IFTAP: variants seen among roughly 807,000 people sequenced by gnomAD.
IFTAP encodes intraflagellar transport associated protein, also known as intraflagellar transport-associated protein.
Under a neutral mutation model 19.4 loss-of-function variants are expected in IFTAP, and 19 were observed. The observed-to-expected ratio is 0.98, with a 90% CI of 0.68 to 1.44. IFTAP has a LOEUF of 1.44. Ranked by LOEUF, IFTAP falls within the 40% of genes most tolerant of loss-of-function variation. The pLI is 0.00. For synonymous variants in IFTAP, 85 were observed against 83.5 expected (o/e 1.02, Z -0.10); for missense variants, 240 against 253.6 (o/e 0.95, Z 0.36).
chr11:36,626,389 A>G (rs1852512299), intron 2 of IFTAP, among the ~76,000 whole-genome samples: 1 of 151,470 alleles, frequency 6.6e-6, no homozygotes, highest in African/African-American at 2.5e-5. Context: ...TATGTTTCTT[A>G]TAAGCAGAGG....
At chr11:36,608,133 A>G (rs1851758750) in intron 1 of IFTAP, among the ~76,000 whole-genome samples, 1 of 152,200 alleles carries the variant, frequency 6.6e-6, no homozygotes, top group Non-Finnish European at 1.5e-5. Context: ...GTAAAGAATA[A>G]CATATAATAT....
At chr11:36,631,768 T>C (rs1852735665) in intron 2 of IFTAP, among the ~76,000 whole-genome samples, 1 of 151,216 alleles carries the variant, frequency 6.6e-6, no homozygotes, top group Non-Finnish European at 1.5e-5. Flanking sequence ...TTCTGCCACT[T>C]GACTTTTTTT....
chr11:36,614,646 G>A (rs1420932120), intron 2 of IFTAP, among the ~76,000 whole-genome samples: 1 of 147,986 alleles, frequency 6.8e-6, no homozygotes, highest in East Asian at 1.9e-4. Flanking sequence ...TTGTGGTTTT[G>A]ATTTACATTT....
intron 2 of IFTAP, among the ~76,000 whole-genome samples, chr11:36,614,442 G>A (rs1162516264): frequency 2.0e-5 from 3 of 149,188 alleles, no homozygotes; most frequent in Middle Eastern, 3.4e-3. Context: ...CCAGTAATGG[G>A]ATGGCTGGGT....
At chr11:36,624,516 A>G (rs1852434145) in intron 2 of IFTAP, among the ~76,000 whole-genome samples, 1 of 152,186 alleles carries the variant, frequency 6.6e-6, no homozygotes, top group Non-Finnish European at 1.5e-5. Context: ...TGTGCTTACG[A>G]TGACAGAAAA....
intron 4 of IFTAP, among the ~76,000 whole-genome samples, chr11:36,641,881 G>C (rs1017717016): frequency 4.6e-5 from 7 of 152,082 alleles, no homozygotes; most frequent in Non-Finnish European, 1.0e-4. Flanking sequence ...GGGTGTTAAA[G>C]TCTCCCATTA....
At chr11:36,657,658 TACTA>T (rs1854052358) in intron 5 of IFTAP, among the ~76,000 whole-genome samples, 1 of 152,204 alleles carries the variant, frequency 6.6e-6, no homozygotes, top group African/African-American at 2.4e-5. Flanking sequence ...TTCTCTCCCT[TACTA>T]ACTGTGTATT....
chr11:36,646,624 G>A (rs1164379464), intron 4 of IFTAP, among the ~76,000 whole-genome samples: 1 of 151,838 alleles, frequency 6.6e-6, no homozygotes, highest in Non-Finnish European at 1.5e-5. Context: ...TAACAAAAAT[G>A]CTTATTTAAA....
At position 36,594,939 on chromosome 11, in the gene IFTAP, G is replaced by C. The variant is rs1004691065; in HGVS notation, c.-24+347G>C. 4.6e-5 allele frequency: 7 copies of C among 152,366 alleles called. No homozygotes were observed. The East Asian group carries it at 5.8e-4, about 13-fold the overall frequency. 9.4% of individuals were successfully genotyped at this position (152,366 alleles called of 1,614,324 possible). ...AGGTGCTTGGGGCGGGAGGTTGAAG[G>C]GGGCACCGAGGTTACAAAAGCCGTG... On this transcript the variant is annotated intron_variant, in intron 1 of 5. Coordinates refer to ENST00000334307, the MANE Select transcript of IFTAP (RefSeq NM_138787.4).
chr11:36,616,328 A>G (rs925393193), intron 2 of IFTAP, among the ~76,000 whole-genome samples: 16 of 151,832 alleles, frequency 1.1e-4, no homozygotes, highest in African/African-American at 3.6e-4. Flanking sequence ...AGTTTTCTTT[A>G]TGCTATTCTC....
intron 2 of IFTAP, among the ~76,000 whole-genome samples, chr11:36,625,908 G>T (rs376359113): frequency 6.9e-6 from 1 of 145,266 alleles, no homozygotes; most frequent in African/African-American, 2.9e-5. Context: ...GGAACAGCGA[G>T]TGCAAAGGCC....
At chr11:36,623,192 A>G (rs913807681) in intron 2 of IFTAP, among the ~76,000 whole-genome samples, 11 of 152,166 alleles carry the variant, frequency 7.2e-5, no homozygotes, top group African/African-American at 2.2e-4. Context: ...ACTAGTGTGC[A>G]GATCAGAAAC....
At position 36,610,087 on chromosome 11, in the gene IFTAP, T is replaced by C; in HGVS notation, c.-17T>C. 2 of 1,611,970 alleles carry C rather than the reference T, an allele frequency of 1.2e-6. No individual in the cohort carries two copies. The highest frequency in any genetic ancestry group is 8.5e-7 in the Non-Finnish European group (1 of 1,178,540). On this transcript the variant is annotated 5_prime_UTR_variant, in exon 2 of 6. Coordinates refer to ENST00000334307, the MANE Select transcript of IFTAP (RefSeq NM_138787.4). ...GTATTTTTCTGTCTTGCAGATACTG[T>C]GGCCTCATGAATAGGAATGTCTGCC... is the stretch of plus-strand genomic sequence containing the variant.
chr11:36,603,490 A>G (rs898329865), intron 1 of IFTAP, among the ~76,000 whole-genome samples: 4 of 152,228 alleles, frequency 2.6e-5, no homozygotes, highest in Non-Finnish European at 4.4e-5. Flanking sequence ...ATGAATTCAC[A>G]GGAGGTTCCA....
At chr11:36,631,820 C>T (rs1173080798) in intron 2 of IFTAP, among the ~76,000 whole-genome samples, 1 of 150,926 alleles carries the variant, frequency 6.6e-6, no homozygotes, top group Admixed American at 6.6e-5. Context: ...TGATCATTGA[C>T]GTAGGTTCCT....
At chr11:36,649,655 G>C (rs966191244) in intron 5 of IFTAP, among the ~76,000 whole-genome samples, 12 of 152,044 alleles carry the variant, frequency 7.9e-5, no homozygotes, top group African/African-American at 2.9e-4. Flanking sequence ...TCAAATAGCA[G>C]TATAAATCAA....
chr11:36,644,058 G>A (rs1853354905), intron 4 of IFTAP, among the ~76,000 whole-genome samples: 1 of 152,106 alleles, frequency 6.6e-6, no homozygotes, highest in Non-Finnish European at 1.5e-5. Context: ...AGAGTGAACA[G>A]GCAACCTACA....
At chr11:36,601,487 ATC>A (rs1851506852) in intron 1 of IFTAP, among the ~76,000 whole-genome samples, 1 of 152,206 alleles carries the variant, frequency 6.6e-6, no homozygotes, top group African/African-American at 2.4e-5. Context: ...AAATTTCATG[ATC>A]TCTGATTTAA....
At chr11:36,595,350 T>C (rs1465985127) in intron 1 of IFTAP, 1 of 152,236 alleles carries the variant, frequency 6.6e-6, no homozygotes, top group Non-Finnish European at 1.5e-5. Flanking sequence ...AAAAGAATAT[T>C]TACTAGATGA....
Sources: allele counts gnomAD v4.1 joint callset (sites outside exome capture counted in the v4.1 genomes callset), GRCh38; gene constraint gnomAD v4.1.1; transcripts MANE v1.5; gene names NCBI Gene and HGNC (gene_info 2026-07-23, HGNC 2026-07-21).